The following BTLA variants were observed in gnomAD, a reference collection of about 807,000 sequenced individuals.
BTLA encodes B and T lymphocyte associated, also known as B- and T-lymphocyte attenuator.
A neutral mutation model predicts 25.0 loss-of-function variants in BTLA; 11 were observed. The observed-to-expected ratio is 0.44, with a 90% CI of 0.28 to 0.73. BTLA has a LOEUF of 0.73. Ranked by LOEUF, BTLA falls within the 30% of genes least tolerant of loss-of-function variation. The pLI is 0.15. For synonymous variants in BTLA, 104 were observed against 119.8 expected (o/e 0.87, Z 0.86); for missense variants, 282 against 332.8 (o/e 0.85, Z 1.19).
At position 112,471,221 on chromosome 3, in the gene BTLA, T is replaced by A; in HGVS notation, c.538A>T (p.Arg180Trp). ...TCFCLFCCLR[R>W]HQGKQNELSD... ...GGAAAATAGAACCCACCTTGGTGCC[T>A]TCTCAGGCAGCAGAACAGGCAGAAA... The change falls in exon 3 of 5, where the codon AGG becomes TGG. Residue 180 changes from arginine to tryptophan, a missense_variant. Physicochemically the swap from Arg to Trp is moderately radical, Grantham distance 101. Coordinates refer to ENST00000334529, the MANE Select transcript of BTLA (RefSeq NM_181780.4). The A allele has an allele frequency of 3.7e-6, 6 of 1,613,916 alleles. No homozygotes were observed. Among genetic ancestry groups the A allele is most frequent in the Non-Finnish European group, 4.2e-6 (5 of 1,179,886 alleles).
intron 1 of BTLA, among the ~76,000 whole-genome samples, chr3:112,490,614 C>T (rs1243684283): frequency 6.6e-6 from 1 of 151,030 alleles, no homozygotes; most frequent in Non-Finnish European, 1.5e-5. Context: ...AACACACACA[C>T]ACACACACAC....
At chr3:112,478,198 A>C (rs2082299372) in intron 2 of BTLA, among the ~76,000 whole-genome samples, 1 of 152,086 alleles carries the variant, frequency 6.6e-6, no homozygotes, top group African/African-American at 2.4e-5. Flanking sequence ...ACTGCATTGA[A>C]TCTGTAGATC....
At chr3:112,486,650 A>G (rs2082349504) in intron 1 of BTLA, among the ~76,000 whole-genome samples, 1 of 152,236 alleles carries the variant, frequency 6.6e-6, no homozygotes, top group South Asian at 2.1e-4. Context: ...GATACAATTT[A>G]GGTAACTACT....
intron 1 of BTLA, among the ~76,000 whole-genome samples, chr3:112,480,816 A>G (rs1490740887): frequency 7.9e-5 from 12 of 152,202 alleles, no homozygotes; most frequent in South Asian, 2.1e-4. Flanking sequence ...CCCAAAACTC[A>G]TGTTCTTTTC....
At chr3:112,483,252 G>A (rs1276382042) in intron 1 of BTLA, among the ~76,000 whole-genome samples, 3 of 146,582 alleles carry the variant, frequency 2.0e-5, no homozygotes, top group Non-Finnish European at 3.0e-5. Flanking sequence ...GGGTTTAAGC[G>A]ATTCTCCTGC....
In BTLA at chr3:112,471,204, G is replaced by A; in HGVS notation, c.547+8C>T. 1 of 1,613,532 alleles carries A rather than the reference G, an allele frequency of 6.2e-7. No homozygotes were observed. Among genetic ancestry groups the A allele is most frequent in the Non-Finnish European group, 8.5e-7 (1 of 1,179,676 alleles). On this transcript the variant is annotated splice_region_variant and intron_variant, in intron 3 of 4. Coordinates refer to ENST00000334529, the MANE Select transcript of BTLA (RefSeq NM_181780.4). ...TGGTACTGGGGGCAGAGGGAAAATA[G>A]AACCCACCTTGGTGCCTTCTCAGGC...
intron 2 of BTLA, among the ~76,000 whole-genome samples, chr3:112,472,704 A>G (rs2082269355): frequency 6.6e-6 from 1 of 152,108 alleles, no homozygotes; most frequent in Non-Finnish European, 1.5e-5. Flanking sequence ...AACAAAAAAA[A>G]AATTCTATTA....
Position 112,479,597 on chromosome 3 carries a change from T to C in BTLA, c.261A>G (p.Thr87=). The change falls in exon 2 of 5, where the codon ACA becomes ACG. Residue 87 remains threonine, a synonymous_variant. Coordinates refer to ENST00000334529, the MANE Select transcript of BTLA (RefSeq NM_181780.4). ...AAATGTTCTTCTCTTCCTTCCAACT[T>C]GTTTGTCTATCTTCAAGTTTTACAC... ...TTCVKLEDRQ[T]SWKEEKNISF... The C allele has an allele frequency of 6.2e-7, 1 of 1,614,134 alleles. No homozygotes were observed. The highest frequency in any genetic ancestry group is 8.5e-7 in the Non-Finnish European group (1 of 1,179,978).
At chr3:112,469,633 A>AGTACATAGAATATGTATATAC (rs1443598675) in intron 4 of BTLA, 125 bp downstream of exon 4, 92 of 52,570 alleles carry the variant, frequency 1.8e-3, no homozygotes, top group Non-Finnish European at 3.1e-3. Flanking sequence ...ATATATATAT[A>AGTACATAGAATATGTATATAC]TATATATATA....
At chr3:112,486,709 AT>A (rs763571901) in intron 1 of BTLA, among the ~76,000 whole-genome samples, 1 of 152,236 alleles carries the variant, frequency 6.6e-6, no homozygotes, top group Non-Finnish European at 1.5e-5. Flanking sequence ...TTAAAACAAC[AT>A]TAAAAAAATT....
In BTLA at chr3:112,466,771, T is replaced by G. The variant is rs190408519; in HGVS notation, c.595-388A>C. On this transcript the variant is annotated intron_variant, in intron 4 of 4. Transcript: ENST00000334529. ...TTTAATGCAGTTTAGAATAAAAAGATTAAGGATAAAGCAGAACAAATACCC... is the reference window on the plus strand; with the variant it reads ...TTTAATGCAGTTTAGAATAAAAAGAGTAAGGATAAAGCAGAACAAATACCC... 1.6e-3 allele frequency among the ~76,000 whole-genome samples: 236 copies of G among 152,126 alleles called. 1 individual carries two copies. Among genetic ancestry groups the G allele is most frequent in the African/African-American group, 5.5e-3 (228 of 41,516 alleles).
intron 1 of BTLA, among the ~76,000 whole-genome samples, chr3:112,497,315 A>G (rs1261118549): frequency 1.3e-5 from 2 of 152,194 alleles, no homozygotes; most frequent in Non-Finnish European, 2.9e-5. Context: ...TTTAGGTACA[A>G]TTATTACCTG....
chr3:112,483,294 G>A (rs1301597644), intron 1 of BTLA, among the ~76,000 whole-genome samples: 2 of 151,380 alleles, frequency 1.3e-5, no homozygotes, highest in East Asian at 1.9e-4. Context: ...GATTACAGGC[G>A]CCCACCACCA....
chr3:112,468,799 T>C (rs1475573550), intron 4 of BTLA, among the ~76,000 whole-genome samples: 1 of 152,308 alleles, frequency 6.6e-6, no homozygotes, highest in South Asian at 2.1e-4. Context: ...ACACAGTGCC[T>C]ACTGATGCTA....
chr3:112,479,363 C>A, intron 2 of BTLA, 92 bp downstream of exon 2: 2 of 1,279,906 alleles, frequency 1.6e-6, no homozygotes, highest in East Asian at 2.3e-5. Context: ...TAGGAGTTGG[C>A]TTTCTAACAT....
At chr3:112,498,389 C>T (rs1289570913) in intron 1 of BTLA, among the ~76,000 whole-genome samples, 4 of 151,822 alleles carry the variant, frequency 2.6e-5, no homozygotes, top group African/African-American at 9.7e-5. Context: ...GGCGGGATCA[C>T]GCCATTGCAC....
chr3:112,463,968 G>T lies in BTLA; in HGVS notation c.*2140C>A, dbSNP rs571249869. 322 of 317,586 alleles carry T rather than the reference G, an allele frequency of 1.0e-3. No individual in the cohort carries two copies. The highest frequency in any genetic ancestry group is 1.8e-3 in the Middle Eastern group (2 of 1,124). 19.7% of individuals were successfully genotyped at this position (317,586 alleles called of 1,614,324 possible). ...GGGGTACAAAATCAGATGCCAAATT[G>T]ATTTCAAATAAGTTTTAATAACTTT... On this transcript the variant is annotated 3_prime_UTR_variant, in exon 5 of 5. Coordinates refer to ENST00000334529, the MANE Select transcript of BTLA (RefSeq NM_181780.4).
At chr3:112,489,050 G>A (rs1258588556) in intron 1 of BTLA, among the ~76,000 whole-genome samples, 1 of 152,140 alleles carries the variant, frequency 6.6e-6, no homozygotes, top group Non-Finnish European at 1.5e-5. Flanking sequence ...AGAGAGGTGG[G>A]CTAAAAGGCA....
At chr3:112,478,871 G>A (rs995175468) in intron 2 of BTLA, among the ~76,000 whole-genome samples, 2 of 152,126 alleles carry the variant, frequency 1.3e-5, no homozygotes, top group Non-Finnish European at 2.9e-5. Flanking sequence ...TTCCTCAGTT[G>A]TCAAAGCATA....
Sources: gnomAD v4.1 joint callset for allele counts (sites outside exome capture counted in the v4.1 genomes callset) on GRCh38, gnomAD v4.1.1 for gene constraint, MANE v1.5 for transcripts, NCBI Gene and HGNC (gene_info 2026-07-23, HGNC 2026-07-21) for gene names.